Variants in RIF1 observed in about 807,000 individuals in gnomAD.
RIF1 encodes telomere-associated protein RIF1.
RIF1 carries 45 observed loss-of-function variants against 247.1 expected under a neutral mutation model. The observed-to-expected ratio is 0.18, with a 90% CI of 0.14 to 0.23. RIF1 has a LOEUF of 0.23. RIF1 is among the 10% of genes least tolerant of loss of function. The pLI is 1.00. For missense variants in RIF1, 2,967 were observed against 2,862.5 expected (o/e 1.04, Z -0.83); for synonymous variants, 1,087 against 978.8 (o/e 1.11, Z -2.06).
At chr2:151,472,256 C>A (rs1322492732) in intron 34 of RIF1, among the ~76,000 whole-genome samples, 1 of 152,038 alleles carries the variant, frequency 6.6e-6, no homozygotes, top group Non-Finnish European at 1.5e-5. Context: ...CTTATTGGCC[C>A]AAGGAGATTT....
Position 151,475,064 on chromosome 2 carries a change from C to A in RIF1, c.7412C>A (p.Ser2471Tyr). Residue 2471 changes from serine (S) to tyrosine (Y), a missense_variant, in exon 36 of 36, where the codon TCT becomes TAT. Around this residue, in one of 7 missense-constraint regions of RIF1, gnomAD observed 151 missense variants for 163.4 expected, o/e 0.92. Transcript: ENST00000444746. ...SRWRSPSHENSI is the reference protein window; with the variant it reads ...SRWRSPSHENYI ...TGGAGATCACCATCCCATGAAAATTCTATTTAGTATTTTCAGAGAAAATTG... is the reference window on the plus strand; with the variant it reads ...TGGAGATCACCATCCCATGAAAATTATATTTAGTATTTTCAGAGAAAATTG... The A allele has an allele frequency of 6.2e-7, 1 of 1,603,740 alleles. No homozygotes were observed. Among genetic ancestry groups the A allele is most frequent in the Non-Finnish European group, 8.5e-7 (1 of 1,171,448 alleles).
In RIF1 at chr2:151,505,524, A is replaced by G. The variant is rs2068101845; in HGVS notation, c.*862-686A>G. 3.7e-6 allele frequency: 6 copies of G among 1,613,730 alleles called. No individual in the cohort carries two copies. Among genetic ancestry groups the G allele is most frequent in the Non-Finnish European group, 4.2e-6 (5 of 1,179,764 alleles). ...CTCCTTCACACGTTTCACTTCAGGC[A>G]GGTCAGGGATTGGAGTTCCTTGTCC... On this transcript the variant is annotated intron_variant and NMD_transcript_variant, in intron 12 of 13. Coordinates refer to the RIF1 transcript ENST00000454583.
At chr2:151,466,664 C>CTA (rs1186064787) in intron 30 of RIF1, among the ~76,000 whole-genome samples, 1 of 152,156 alleles carries the variant, frequency 6.6e-6, no homozygotes, top group Non-Finnish European at 1.5e-5. Context: ...GATGGATTAT[C>CTA]TATATATCTG....
the RIF1 span, chr2:151,525,185 TC>T: frequency 1.2e-6 from 2 of 1,613,720 alleles, no homozygotes; most frequent in Admixed American, 1.7e-5. Flanking sequence ...CTTGGCCACT[TC>T]CATAGCATGT....
chr2:151,488,502 C>T lies in RIF1; in HGVS notation c.*415+5167C>T, dbSNP rs1431672805. Among the ~76,000 whole-genome samples, 14 of 151,156 alleles carry T rather than the reference C, an allele frequency of 9.3e-5. No homozygotes were observed. The East Asian group carries it at 2.3e-3, about 25-fold the overall frequency. On this transcript the variant is annotated intron_variant and NMD_transcript_variant, in intron 9 of 13. Transcript: ENST00000454583. ...CCAAAAAAAAAAAAAAAAAAATTAG[C>T]CTAGAATGGCATATACACCTGTAGT... is the stretch of plus-strand genomic sequence containing the variant.
Position 151,498,333 on chromosome 2 carries a change from A to C in RIF1, c.*514-1012A>C, listed in dbSNP as rs1434684086. On this transcript the variant is annotated intron_variant and NMD_transcript_variant, in intron 10 of 13. Coordinates refer to the RIF1 transcript ENST00000454583. ...GATGGGGATTGGAATTCCTGTCCCC[A>C]GGTTTTCTTTGTATAGCACCTGTAT... 2.6e-6 allele frequency: 4 copies of C among 1,551,124 alleles called. No homozygotes were observed.
chr2:151,525,081 ACAC>A, the RIF1 span: 1 of 994,924 alleles, frequency 1.0e-6, no homozygotes, highest in Non-Finnish European at 1.6e-6. Flanking sequence ...TAGAGTGACC[ACAC>A]ACTGGAACAA....
At position 151,410,479 on chromosome 2, in the gene RIF1, C is replaced by G. The variant is rs764155428; in HGVS notation, c.56C>G (p.Pro19Arg). ...CCGCTGTTGGAGACTTTGGAAGACC[C>G]TTCTGCCTCCCATGGAGGGCAGACT... ...LAPLLETLED[P>R]SASHGGQTDA... Residue 19 changes from proline (P) to arginine (R), a missense_variant, in exon 2 of 36, where the codon CCT becomes CGT. Physicochemically the swap from Pro to Arg is moderately radical, Grantham distance 103. This residue lies in a region of RIF1 where 269 missense variants were observed against 288.6 expected (regional missense o/e 0.93). Transcript: ENST00000444746. 1.9e-6 allele frequency: 3 copies of G among 1,614,120 alleles called. No individual in the cohort carries two copies. Among genetic ancestry groups the G allele is most frequent in the African/African-American group, 2.7e-5 (2 of 75,068 alleles).
chr2:151,529,166 C>T, the RIF1 span: 1 of 1,313,938 alleles, frequency 7.6e-7, no homozygotes, highest in Non-Finnish European at 1.1e-6. Flanking sequence ...CCTACAGAAG[C>T]TGGTAAATCC....
At chr2:151,435,292 G>T (rs187070183) in intron 10 of RIF1, among the ~76,000 whole-genome samples, 171 bp from the exon 11 acceptor site, 69 of 152,216 alleles carry the variant, frequency 4.5e-4, no homozygotes, top group African/African-American at 1.6e-3. Context: ...AAATACAGTT[G>T]TAATGTTCAT....
At position 151,497,851 on chromosome 2, in the gene RIF1, C is replaced by G. The variant is rs1465063259; in HGVS notation, c.*514-1494C>G. 2.6e-6 allele frequency: 4 copies of G among 1,515,782 alleles called. No individual in the cohort carries two copies. In the African/African-American group the frequency reaches 5.6e-5, roughly 21 times the overall value. 93.9% of individuals were successfully genotyped at this position (1,515,782 alleles called of 1,614,324 possible). A position where few individuals can be genotyped will look rare whatever the true frequency, so the allele number is the denominator to read the frequency against. On this transcript the variant is annotated intron_variant and NMD_transcript_variant, in intron 10 of 13. Transcript: ENST00000454583. ...TATGCTGACAAAATGCCACCGACTA[C>G]TTTAGTGGAAGCTGTTGTTGGGATA...
intron 3 of RIF1, 83 bp from the exon 4 acceptor site, chr2:151,414,740 C>G: frequency 1.2e-6 from 1 of 864,766 alleles, no homozygotes; most frequent in South Asian, 1.6e-5. Flanking sequence ...GATGAATATG[C>G]TTGTTCTGTA....
chr2:151,436,830 C>A lies in RIF1; in HGVS notation c.1199C>A (p.Ala400Asp), dbSNP rs766617470. The A allele has an allele frequency of 1.4e-5, 22 of 1,550,574 alleles. No individual in the cohort carries two copies. Among genetic ancestry groups the A allele is most frequent in the Non-Finnish European group, 1.6e-5 (19 of 1,151,906 alleles). Residue 400 changes from alanine to aspartate, a missense_variant, in exon 12 of 36, where the codon GCT becomes GAT. This residue lies in a region of RIF1 where 369 missense variants were observed against 322.0 expected (regional missense o/e 1.15). Coordinates refer to ENST00000444746, the MANE Select transcript of RIF1 (RefSeq NM_018151.5). Reference sequence around the variant, plus strand: ...TCTTTTTTTTTTTTTCTTAAAGGTGCTTCCTCCCCGTACGGAGCCCCGGGA... The same window carrying A: ...TCTTTTTTTTTTTTTCTTAAAGGTGATTCCTCCCCGTACGGAGCCCCGGGA... ...LNPMTPVHKG[A>D]SSPYGAPGTP... is the part of the protein sequence containing the mutation.
chr2:151,434,101 G>A (rs1480756407), intron 10 of RIF1, among the ~76,000 whole-genome samples: 4 of 150,900 alleles, frequency 2.7e-5, no homozygotes, highest in African/African-American at 4.9e-5. Context: ...CCAGGAGATG[G>A]AGGTTGCAGT....
chr2:151,467,840 A>G (rs1466246073), intron 30 of RIF1, among the ~76,000 whole-genome samples, 160 bp from the exon 31 acceptor site: 1 of 152,166 alleles, frequency 6.6e-6, no homozygotes, highest in African/African-American at 2.4e-5. Flanking sequence ...AGTTAATGTG[A>G]TCTGTGAAGG....
chr2:151,518,078 C>A, the RIF1 span, among the ~76,000 whole-genome samples: 1 of 152,154 alleles, frequency 6.6e-6, no homozygotes, highest in Non-Finnish European at 1.5e-5. Flanking sequence ...CCTCATAAAA[C>A]ACACTCTTTA....
rs1416587456 is a variant in RIF1 at position 151,466,318 on chromosome 2, C to CT, written c.6600+201dup. On this transcript the variant is annotated intron_variant, in intron 30 of 35. Coordinates refer to ENST00000444746, the MANE Select transcript of RIF1 (RefSeq NM_018151.5). ...GGAGACTGAAGCCTTTTAGATAAGTCTTTCATTTTACAACACTAAAGATCT... is the reference window on the plus strand; with the variant it reads ...GGAGACTGAAGCCTTTTAGATAAGTCTTTTCATTTTACAACACTAAAGATCT... Among the ~76,000 whole-genome samples, 3 of 152,268 alleles carry CT rather than the reference C, an allele frequency of 2.0e-5. No homozygotes were observed. In the South Asian group the frequency reaches 6.2e-4, roughly 32 times the overall value.
chr2:151,423,172 C>T, intron 8 of RIF1, 130 bp downstream of exon 8: 1 of 604,570 alleles, frequency 1.7e-6, no homozygotes, highest in Non-Finnish European at 2.9e-6. Context: ...CATGCCTACT[C>T]ACTAAAATTT....
At chr2:151,442,771 T>A (rs1196112208) in intron 16 of RIF1, among the ~76,000 whole-genome samples, 1 of 55,092 alleles carries the variant, frequency 1.8e-5, no homozygotes, top group Non-Finnish European at 3.9e-5. Context: ...AGCTTGATTT[T>A]TTTTTTTTTT....
Sources: gnomAD v4.1 joint callset for allele counts (sites outside exome capture counted in the v4.1 genomes callset) on GRCh38, gnomAD v4.1.1 for gene constraint, gnomAD v4.1.1 regional missense constraint, MANE v1.5 for transcripts, NCBI Gene and HGNC (gene_info 2026-07-23, HGNC 2026-07-21) for gene names.